Variants in NOL4 observed in about 807,000 individuals in gnomAD.
NOL4 encodes nucleolar protein 4, also known as cancer/testis antigen 125.
A neutral mutation model predicts 75.9 loss-of-function variants in NOL4; 17 were observed. The ratio of observed to expected loss-of-function variants is 0.22; its 90% CI spans 0.15 to 0.34. NOL4 has a LOEUF of 0.34. Ranked by LOEUF, NOL4 falls within the 10% of genes least tolerant of loss-of-function variation. The pLI is 1.00. For synonymous variants in NOL4, 292 were observed against 289.9 expected (o/e 1.01, Z -0.07); for missense variants, 614 against 793.5 (o/e 0.77, Z 2.72).
At chr18:34,138,629 C>A (rs936497441) in intron 1 of NOL4, among the ~76,000 whole-genome samples, 108 of 152,088 alleles carry the variant, frequency 7.1e-4, no homozygotes, top group Non-Finnish European at 1.5e-4. Flanking sequence ...CAAACAGGGA[C>A]AATTTGACTT....
At chr18:34,058,459 GC>G in intron 5 of NOL4, among the ~76,000 whole-genome samples, 1 of 152,106 alleles carries the variant, frequency 6.6e-6, no homozygotes, top group Middle Eastern at 3.4e-3. Context: ...CTTTGTTTTT[GC>G]CCCTGCTTTG....
chr18:33,972,665 A>G (rs891175825), intron 6 of NOL4, among the ~76,000 whole-genome samples: 10 of 152,234 alleles, frequency 6.6e-5, no homozygotes, highest in Non-Finnish European at 1.2e-4. Flanking sequence ...AACCACTGCA[A>G]TAAAGTGAAT....
intron 2 of NOL4, among the ~76,000 whole-genome samples, chr18:34,116,265 T>C (rs2145794521): frequency 6.6e-6 from 1 of 151,708 alleles, no homozygotes; most frequent in East Asian, 2.0e-4. Flanking sequence ...ATAAAGGGCA[T>C]GGTTTCCTAT....
At chr18:33,923,032 T>C (rs1159992365) in intron 9 of NOL4, among the ~76,000 whole-genome samples, 1 of 152,176 alleles carries the variant, frequency 6.6e-6, no homozygotes, top group East Asian at 1.9e-4. Context: ...ATACTGTATA[T>C]ATATTTTACC....
At chr18:33,969,813 T>C (rs2070903380) in intron 6 of NOL4, among the ~76,000 whole-genome samples, 1 of 151,846 alleles carries the variant, frequency 6.6e-6, no homozygotes, top group Non-Finnish European at 1.5e-5. Flanking sequence ...CCCATGAAAT[T>C]GTCATTTAAA....
intron 1 of NOL4, among the ~76,000 whole-genome samples, chr18:34,140,817 C>T (rs1208379722): frequency 6.6e-6 from 1 of 152,092 alleles, no homozygotes; most frequent in Non-Finnish European, 1.5e-5. Flanking sequence ...GTGGCTGATA[C>T]TGGTTGTTCC....
At chr18:34,044,165 A>G (rs1246806035) in intron 5 of NOL4, among the ~76,000 whole-genome samples, 1 of 152,094 alleles carries the variant, frequency 6.6e-6, no homozygotes, top group African/African-American at 2.4e-5. Context: ...TTATTTCTCC[A>G]TCAATTAAAA....
In NOL4 at chr18:33,886,842, T is replaced by C. The variant is rs1016626811; in HGVS notation, c.1543-3418A>G. ...ATCTATATACATATATATCTATATA[T>C]CTAGATATATCTACATATATCTATA... On this transcript the variant is annotated intron_variant, in intron 9 of 10. Transcript: ENST00000261592. Among the ~76,000 whole-genome samples the C allele has an allele frequency of 2.1e-5, 3 of 143,430 alleles. No individual in the cohort carries two copies. In the Admixed American group the frequency reaches 2.1e-4, roughly 10 times the overall value. 94.1% of individuals were successfully genotyped at this position (143,430 alleles called of 152,430 possible). A position where few individuals can be genotyped will look rare whatever the true frequency, so the allele number is the denominator to read the frequency against.
chr18:34,079,511 A>C (rs2077901184), intron 5 of NOL4, among the ~76,000 whole-genome samples: 1 of 151,996 alleles, frequency 6.6e-6, no homozygotes, highest in Non-Finnish European at 1.5e-5. Context: ...ATGTTGGACA[A>C]ATGAGGCTAG....
At chr18:34,205,023 A>C (rs1346674671) in intron 1 of NOL4, among the ~76,000 whole-genome samples, 1 of 152,132 alleles carries the variant, frequency 6.6e-6, no homozygotes, top group Non-Finnish European at 1.5e-5. Context: ...CCTTTCTCTA[A>C]ACCAGATTGT....
chr18:33,855,052 A>G (rs6507072), intron 10 of NOL4, among the ~76,000 whole-genome samples: 131,580 of 151,970 alleles, frequency 0.87, 57,087 homozygotes, highest in East Asian at 0.97. Flanking sequence ...TCTTTGTCTG[A>G]AAGAAAGTTG....
chr18:34,066,687 TAA>T (rs749609846), intron 5 of NOL4, among the ~76,000 whole-genome samples: 3 of 139,506 alleles, frequency 2.2e-5, no homozygotes, highest in Admixed American at 7.2e-5. Flanking sequence ...GCTTTTCTTC[TAA>T]AAAAAAAAAA....
chr18:34,186,564 G>C (rs2034475490), intron 1 of NOL4, among the ~76,000 whole-genome samples: 1 of 152,078 alleles, frequency 6.6e-6, no homozygotes. Flanking sequence ...ATTGCTCTCT[G>C]CTTTTCGGTC....
chr18:34,013,594 C>T lies in NOL4; in HGVS notation c.1056+5724G>A, dbSNP rs114625727. On this transcript the variant is annotated intron_variant, in intron 6 of 10. Transcript: ENST00000261592. ...AGCATTTCTAGTCCTTACCTCAGTG[C>T]TCTGTTCATCAATGTTCCTCTGTTT... Among the ~76,000 whole-genome samples the T allele has an allele frequency of 2.3e-3, 352 of 152,042 alleles. 2 individuals carry two copies. Among genetic ancestry groups the T allele is most frequent in the African/African-American group, 8.2e-3 (342 of 41,526 alleles).
chr18:34,008,597 C>T (rs932440622), intron 6 of NOL4, among the ~76,000 whole-genome samples: 3 of 151,888 alleles, frequency 2.0e-5, no homozygotes, highest in East Asian at 3.9e-4. Context: ...GAAGTTTGCA[C>T]ATTGTGATTT....
intron 6 of NOL4, among the ~76,000 whole-genome samples, chr18:33,965,227 A>G (rs1195177867): frequency 6.6e-6 from 1 of 152,152 alleles, no homozygotes; most frequent in Non-Finnish European, 1.5e-5. Context: ...ATAATCCCAG[A>G]ACATTGGGAA....
In NOL4 at chr18:33,947,988, G is replaced by A. The variant is rs115692029; in HGVS notation, c.1429-4810C>T. The stretch of plus-strand genomic sequence containing the variant: ...GTCACACCAACAAACTTCCATTTTT[G>A]TGGGTCTAAAACTATACATGAAATA... On this transcript the variant is annotated intron_variant, in intron 8 of 10. Coordinates refer to ENST00000261592, the MANE Select transcript of NOL4 (RefSeq NM_003787.5). Among the ~76,000 whole-genome samples the A allele has an allele frequency of 1.2e-3, 180 of 151,982 alleles. 1 individual carries two copies. Among genetic ancestry groups the A allele is most frequent in the African/African-American group, 3.9e-3 (162 of 41,520 alleles).
intron 9 of NOL4, among the ~76,000 whole-genome samples, chr18:33,897,534 G>A (rs1409264564): frequency 6.6e-6 from 1 of 152,120 alleles, no homozygotes; most frequent in African/African-American, 2.4e-5. Context: ...AATACCACAT[G>A]TTCTCACTTA....
At position 34,079,862 on chromosome 18, in the gene NOL4, T is replaced by C. The variant is rs569336011; in HGVS notation, c.772+13603A>G. Among the ~76,000 whole-genome samples the C allele has an allele frequency of 2.2e-3, 332 of 152,360 alleles. 1 individual carries two copies. The highest frequency in any genetic ancestry group is 3.7e-3 in the South Asian group (18 of 4,830). On this transcript the variant is annotated intron_variant, in intron 5 of 10. Coordinates refer to ENST00000261592, the MANE Select transcript of NOL4 (RefSeq NM_003787.5). ...AGTCAAAGTCATGGTTTTAAAGATA[T>C]ATAACTATGCTATTAATTTTAAAAT...
Sources: gnomAD v4.1 joint callset for allele counts (sites outside exome capture counted in the v4.1 genomes callset) on GRCh38, gnomAD v4.1.1 for gene constraint, MANE v1.5 for transcripts, NCBI Gene and HGNC (gene_info 2026-07-23, HGNC 2026-07-21) for gene names.